Variants in SFXN4 observed in about 807,000 individuals in gnomAD.
SFXN4 encodes sideroflexin-4.
SFXN4 carries 48 observed loss-of-function variants against 54.6 expected under a neutral mutation model. The observed-to-expected ratio is 0.88, with a 90% CI of 0.70 to 1.12. The LOEUF is 1.12. Among genes scored for constraint, SFXN4 ranks in the 50% most tolerant of loss-of-function variants. The probability of loss-of-function intolerance (pLI) is 0.00; values close to 1 mark genes in which losing one functional copy is unlikely to be tolerated. For synonymous variants in SFXN4, 130 were observed against 145.5 expected, an observed-to-expected ratio of 0.89 and a Z score of 0.77; for missense variants, 383 against 409.2, an observed-to-expected ratio of 0.94 and a Z score of 0.55.
At chr10:119,162,865 A>G (rs1847614587) in intron 2 of SFXN4, among the ~76,000 whole-genome samples, 1 of 151,990 alleles carries the variant, frequency 6.6e-6, no homozygotes, top group Non-Finnish European at 1.5e-5. Context: ...GTGTGATCAT[A>G]GCTCACTGCA....
intron 12 of SFXN4, among the ~76,000 whole-genome samples, chr10:119,146,827 C>T (rs967338923): frequency 2.6e-5 from 4 of 152,186 alleles, no homozygotes; most frequent in Admixed American, 2.6e-4. Context: ...CTTGGCCTCC[C>T]AAAGTGCTGG....
rs144336585 is a variant in SFXN4 at position 119,155,091 on chromosome 10, G to A, written c.703C>T (p.Leu235=). 1.0e-4 allele frequency: 167 copies of A among 1,614,102 alleles called. No homozygotes were observed. The African/African-American group carries it at 2.0e-3, about 19-fold the overall frequency. Residue 235 remains leucine, a synonymous_variant, in exon 11 of 14, where the codon CTG becomes TTG. Transcript: ENST00000355697. ...GTCCCAGCAATTCTGGAATGACCCA[G>A]GACATTGCCTTCCTTGTCCATGACC... The part of the protein sequence containing the change: ...IAVMDKEGNV[L]GHSRIAGTKA...
At chr10:119,155,199 G>T in intron 10 of SFXN4, 22 bp from the exon 11 acceptor site, 1 of 1,520,798 alleles carries the variant, frequency 6.6e-7, no homozygotes, top group Non-Finnish European at 9.1e-7. Flanking sequence ...AAGAAGTAAA[G>T]AACACCCAAG....
chr10:119,162,013 A>G, intron 3 of SFXN4: 1 of 377,940 alleles, frequency 2.6e-6, no homozygotes, highest in Non-Finnish European at 4.7e-6. Flanking sequence ...CCCTGTCTGA[A>G]TTCTGGGGTT....
At chr10:119,145,417 C>T (rs575486065) in intron 13 of SFXN4, among the ~76,000 whole-genome samples, 2 of 150,718 alleles carry the variant, frequency 1.3e-5, no homozygotes, top group African/African-American at 4.9e-5. Context: ...CAGGTTCAAG[C>T]GATTCTCCTG....
At chr10:119,162,676 G>A (rs1029350551) in intron 2 of SFXN4, among the ~76,000 whole-genome samples, 3 of 152,064 alleles carry the variant, frequency 2.0e-5, no homozygotes, top group Admixed American at 6.6e-5. Flanking sequence ...GTCAACTGTC[G>A]CACTGAATGG....
intron 3 of SFXN4, among the ~76,000 whole-genome samples, chr10:119,161,348 G>T (rs1847522789): frequency 6.7e-6 from 1 of 149,174 alleles, no homozygotes; most frequent in African/African-American, 2.5e-5. Flanking sequence ...TGCAGTCTTG[G>T]CATCAAGTCA....
intron 2 of SFXN4, 62 bp from the exon 3 acceptor site, chr10:119,162,476 GGTAGGA>G: frequency 2.8e-6 from 4 of 1,409,234 alleles, no homozygotes; most frequent in South Asian, 2.3e-5. Flanking sequence ...TATCCCCAGA[GGTAGGA>G]ATCACCAGCT....
At chr10:119,159,329 G>C (rs59818682) in intron 6 of SFXN4, among the ~76,000 whole-genome samples, 2 of 152,104 alleles carry the variant, frequency 1.3e-5, no homozygotes, top group Non-Finnish European at 2.9e-5. Context: ...CAAGGGCCAA[G>C]GTGAGAAAAG....
At chr10:119,153,392 G>C (rs555512896) in intron 11 of SFXN4, among the ~76,000 whole-genome samples, 2 of 133,832 alleles carry the variant, frequency 1.5e-5, no homozygotes, top group Non-Finnish European at 3.2e-5. Flanking sequence ...GACAGAAGGA[G>C]ACCCTGTCTC....
In SFXN4 at chr10:119,145,559, G is replaced by A. The variant is rs531264781; in HGVS notation, c.936+677C>T. ...TCTCAAGTTATCTGCCCGCCTCAGC[G>A]TCCCAAAGTGCTGAGATTACAGGCA... On this transcript the variant is annotated intron_variant, in intron 13 of 13. Transcript: ENST00000355697. Among the ~76,000 whole-genome samples the A allele has an allele frequency of 1.2e-4, 18 of 151,986 alleles. 1 individual carries two copies. In the East Asian group the frequency reaches 1.6e-3, roughly 13 times the overall value.
rs2181118 is a variant in SFXN4, at chr10:119,159,734, T to C, written c.354A>G (p.Ala118=). ...CAAATGTCTGCTTGCTCACCGTGGG[T>C]GCCATGAAAGGCAGGAACGCTGGCA... The part of the protein sequence containing the change: ...FRPAAFLPFM[A]PTVFLSMTPL... The change falls in exon 6 of 14, where the codon GCA becomes GCG. Residue 118 remains alanine (A), a synonymous_variant. Transcript: ENST00000355697. The C allele has an allele frequency of 1, 1,609,183 of 1,613,942 alleles. 802,315 individuals carry two copies. Among genetic ancestry groups the C allele is most frequent in the East Asian group, 1 (44,849 of 44,850 alleles).
intron 1 of SFXN4, chr10:119,165,152 G>C: frequency 1.0e-6 from 1 of 994,318 alleles, no homozygotes. Context: ...TCCTGCCCAA[G>C]GGTGGCTTCC....
intron 13 of SFXN4, among the ~76,000 whole-genome samples, chr10:119,145,792 C>T (rs1311713834): frequency 2.0e-5 from 3 of 151,954 alleles, no homozygotes; most frequent in Non-Finnish European, 4.4e-5. Flanking sequence ...ACTACTAACC[C>T]CCAGGTTGTT....
chr10:119,153,216 G>A (rs184336025), intron 11 of SFXN4, among the ~76,000 whole-genome samples: 1 of 151,958 alleles, frequency 6.6e-6, no homozygotes, highest in Non-Finnish European at 1.5e-5. Context: ...TTTGAGACAC[G>A]ACTGGGCAAC....
At chr10:119,155,856 C>T (rs1002997614) in intron 10 of SFXN4, among the ~76,000 whole-genome samples, 4 of 152,184 alleles carry the variant, frequency 2.6e-5, no homozygotes, top group African/African-American at 9.6e-5. Flanking sequence ...TCTGCCAACT[C>T]TTCAAACTGC....
intron 10 of SFXN4, among the ~76,000 whole-genome samples, chr10:119,155,499 G>GT (rs997658412): frequency 1.5e-4 from 23 of 149,888 alleles, no homozygotes; most frequent in African/African-American, 2.0e-4. Context: ...CTTTGCTTAA[G>GT]TTTTTTTTTT....
chr10:119,160,307 A>C (rs1193051096), intron 5 of SFXN4, among the ~76,000 whole-genome samples: 2 of 152,100 alleles, frequency 1.3e-5, no homozygotes, highest in Non-Finnish European at 2.9e-5. Flanking sequence ...GGAGTTCGAG[A>C]CCAGCCTGGC....
At chr10:119,142,663 G>T (rs1846587831) in intron 13 of SFXN4, among the ~76,000 whole-genome samples, 1 of 145,552 alleles carries the variant, frequency 6.9e-6, no homozygotes, top group Non-Finnish European at 1.5e-5. Context: ...CCATTCTCCT[G>T]CCTCAACCTC....
Sources: gnomAD v4.1 joint callset for allele counts (sites outside exome capture counted in the v4.1 genomes callset) on GRCh38, gnomAD v4.1.1 for gene constraint, MANE v1.5 for transcripts, NCBI Gene and HGNC (gene_info 2026-07-23, HGNC 2026-07-21) for gene names.